Variants in CNOT8 observed in about 807,000 individuals in gnomAD.
CNOT8 encodes the protein CCR4-NOT transcription complex subunit 8.
CNOT8 carries 18 observed loss-of-function variants against 34.6 expected under a neutral mutation model. That is an observed-to-expected ratio of 0.52 (90% confidence interval 0.36 to 0.77). The LOEUF is 0.77. Ranked by LOEUF, CNOT8 falls within the 30% of genes least tolerant of loss-of-function variation. The pLI is 0.00. For synonymous variants in CNOT8, 101 were observed against 118.8 expected, an observed-to-expected ratio of 0.85 and a Z score of 0.98; for missense variants, 189 against 347.9, an observed-to-expected ratio of 0.54 and a Z score of 3.63.
At position 154,871,913 on chromosome 5, in the gene CNOT8, G is replaced by T. The variant is rs541527792; in HGVS notation, c.618+39G>T. The T allele has an allele frequency of 1.9e-6, 3 of 1,575,056 alleles. No homozygotes were observed. The South Asian group carries it at 3.4e-5, about 18-fold the overall frequency. ...TTCTTAATACCAGTAACAAAAAGAA[G>T]GACAGAAAAAAAGCTGACTTTGCTT... On this transcript the variant is annotated intron_variant, in intron 5 of 6. Transcript: ENST00000285896.
intron 3 of CNOT8, chr5:154,870,420 T>C: frequency 3.1e-6 from 1 of 324,766 alleles, no homozygotes; most frequent in Non-Finnish European, 5.7e-6. Context: ...AATGAGCAAA[T>C]GTATACCTAT....
At chr5:154,860,448 A>C (rs1161297821) in intron 1 of CNOT8, among the ~76,000 whole-genome samples, 1 of 152,058 alleles carries the variant, frequency 6.6e-6, no homozygotes, top group Non-Finnish European at 1.5e-5. Context: ...CTGGGACTGC[A>C]GGCACACACT....
intron 1 of CNOT8, chr5:154,859,775 C>CT (rs1761145227): frequency 6.6e-6 from 1 of 152,160 alleles, no homozygotes; most frequent in African/African-American, 2.4e-5. Context: ...AAATAAGAAG[C>CT]TATGTTTTGG....
chr5:154,874,454 T>C (rs1030951309), intron 6 of CNOT8, among the ~76,000 whole-genome samples: 1 of 152,004 alleles, frequency 6.6e-6, no homozygotes, highest in Non-Finnish European at 1.5e-5. Flanking sequence ...CATGCACCTG[T>C]AATCCCAGCT....
chr5:154,867,196 C>A (rs1262015678), intron 3 of CNOT8, among the ~76,000 whole-genome samples: 8 of 151,098 alleles, frequency 5.3e-5, no homozygotes, highest in African/African-American at 1.5e-4. Context: ...ATGGATATAT[C>A]TTTAGAGTGG....
rs767949996 is a variant in CNOT8 at position 154,876,300 on chromosome 5, G to T, written c.*861G>T. ...TTGTATTTTCAGTAATGTGATTTCA[G>T]ATGGTCATCTGGATTCTCCCACTTC... is the stretch of plus-strand genomic sequence containing the variant. On this transcript the variant is annotated 3_prime_UTR_variant, in exon 7 of 7. Transcript: ENST00000285896. 6.6e-6 allele frequency: 1 copy of T among 152,236 alleles called. No individual in the cohort carries two copies. Among genetic ancestry groups the T allele is most frequent in the African/African-American group, 2.4e-5 (1 of 41,476 alleles). The allele number at this position is 152,236 out of a possible 1,614,324, so 9.4% of individuals were successfully genotyped here. A position where few individuals can be genotyped will look rare whatever the true frequency, so the allele number is the denominator to read the frequency against.
At chr5:154,872,734 G>C in intron 6 of CNOT8, 83 bp downstream of exon 6, 1 of 568,958 alleles carries the variant, frequency 1.8e-6, no homozygotes, top group Non-Finnish European at 3.0e-6. Flanking sequence ...CTGTTATGTG[G>C]GCTGAGGTTT....
chr5:154,873,106 A>G (rs1286226074), intron 6 of CNOT8, among the ~76,000 whole-genome samples: 1 of 152,108 alleles, frequency 6.6e-6, no homozygotes, highest in East Asian at 1.9e-4. Context: ...GGGTTTCACT[A>G]TGCTGGCCAG....
rs1761523184 is a variant in CNOT8 at position 154,863,213 on chromosome 5, CCAAA to C, written c.-63_-60del. ...AAAATGTTTTACAATCTAGATCAGA[CCAAA>C]CATTGTCTGGCTTGCACTGTAAAAC... On this transcript the variant is annotated 5_prime_UTR_variant, in exon 2 of 7. Coordinates refer to ENST00000285896, the MANE Select transcript of CNOT8 (RefSeq NM_001301073.2). The C allele has an allele frequency of 8.3e-6, 9 of 1,090,508 alleles. No individual in the cohort carries two copies. Among genetic ancestry groups the C allele is most frequent in the Non-Finnish European group, 1.0e-5 (7 of 703,382 alleles). The allele number at this position is 1,090,508 out of a possible 1,614,324, so 67.6% of individuals were successfully genotyped here.
At chr5:154,860,353 A>G (rs987222411) in intron 1 of CNOT8, among the ~76,000 whole-genome samples, 1 of 152,116 alleles carries the variant, frequency 6.6e-6, no homozygotes, top group African/African-American at 2.4e-5. Flanking sequence ...CTGAGGCTGG[A>G]ATGCAGTGGC....
chr5:154,871,590 TTA>T (rs1762486884), intron 4 of CNOT8, 138 bp from the exon 5 acceptor site: 1 of 608,746 alleles, frequency 1.6e-6, no homozygotes. Context: ...AAGATTCAGA[TTA>T]TAGTACGATA....
rs146067869 is a variant in CNOT8, at chr5:154,862,277, C to T, written c.-72-930C>T. Among the ~76,000 whole-genome samples, 756 of 152,116 alleles carry T rather than the reference C, an allele frequency of 5.0e-3. 4 individuals carry two copies. Among genetic ancestry groups the T allele is most frequent in the Non-Finnish European group, 6.9e-3 (471 of 68,016 alleles). ...CACAAGGTCAGGGGTTCAAGACTAGCCTGACCAATATGGTGAAACCCCATC... is the reference window on the plus strand; with the variant it reads ...CACAAGGTCAGGGGTTCAAGACTAGTCTGACCAATATGGTGAAACCCCATC... On this transcript the variant is annotated intron_variant, in intron 1 of 6. Transcript: ENST00000285896.
intron 6 of CNOT8, among the ~76,000 whole-genome samples, chr5:154,873,249 G>A (rs1762647066): frequency 6.6e-6 from 1 of 152,202 alleles, no homozygotes. Context: ...CTTTGAAAGT[G>A]GTTGTTTTTT....
At position 154,875,537 on chromosome 5, in the gene CNOT8, A is replaced by G; in HGVS notation, c.*98A>G. On this transcript the variant is annotated 3_prime_UTR_variant, in exon 7 of 7. Coordinates refer to ENST00000285896, the MANE Select transcript of CNOT8 (RefSeq NM_001301073.2). ...CCAAGAGAAAATGCTTCTTTTGAGCACACTGTACCTACCATCTGCATTGAG... is the reference window on the plus strand; with the variant it reads ...CCAAGAGAAAATGCTTCTTTTGAGCGCACTGTACCTACCATCTGCATTGAG... 2 of 1,314,048 alleles carry G rather than the reference A, an allele frequency of 1.5e-6. No homozygotes were observed. The highest frequency in any genetic ancestry group is 2.8e-5 in the South Asian group (2 of 71,418). The allele number at this position is 1,314,048 out of a possible 1,614,324, so 81.4% of individuals were successfully genotyped here. A position where few individuals can be genotyped will look rare whatever the true frequency, so the allele number is the denominator to read the frequency against.
intron 6 of CNOT8, among the ~76,000 whole-genome samples, chr5:154,873,551 G>GT (rs1352071235): frequency 5.9e-5 from 9 of 152,124 alleles, no homozygotes; most frequent in Non-Finnish European, 2.9e-5. Flanking sequence ...TCTTCTTTTA[G>GT]TTTCTTTACT....
Position 154,875,186 on chromosome 5 carries a change from G to A in CNOT8, c.730-104G>A, listed in dbSNP as rs1762833122. The A allele has an allele frequency of 5.4e-6, 7 of 1,294,834 alleles. No individual in the cohort carries two copies. The South Asian group carries it at 5.4e-5, about 10-fold the overall frequency. The allele number at this position is 1,294,834 out of a possible 1,614,324, so 80.2% of individuals were successfully genotyped here. A position where few individuals can be genotyped will look rare whatever the true frequency, so the allele number is the denominator to read the frequency against. Reference sequence around the variant, plus strand: ...CCCGCCTCAGCCTCACAAAGTGCTTGGATTCCAGACGTGAGCCATTGCACC... The same window carrying A: ...CCCGCCTCAGCCTCACAAAGTGCTTAGATTCCAGACGTGAGCCATTGCACC... On this transcript the variant is annotated intron_variant, in intron 6 of 6. Coordinates refer to ENST00000285896, the MANE Select transcript of CNOT8 (RefSeq NM_001301073.2).
At chr5:154,867,654 T>C in intron 3 of CNOT8, 1 of 262,992 alleles carries the variant, frequency 3.8e-6, no homozygotes, top group South Asian at 3.1e-5. Context: ...AAAACTTAAT[T>C]TCTTTCTTTC....
intron 1 of CNOT8, among the ~76,000 whole-genome samples, chr5:154,861,541 A>G (rs1677245494): frequency 6.6e-6 from 1 of 152,206 alleles, no homozygotes; most frequent in Admixed American, 6.5e-5. Context: ...TAGGAAGCAA[A>G]GATTTTCCTT....
At chr5:154,866,746 C>G (rs1761918387) in intron 3 of CNOT8, among the ~76,000 whole-genome samples, 2 of 152,134 alleles carry the variant, frequency 1.3e-5, no homozygotes, top group Non-Finnish European at 2.9e-5. Flanking sequence ...AACCCCATCT[C>G]TACTAAAAAT....
Sources: allele counts gnomAD v4.1 joint callset (sites outside exome capture counted in the v4.1 genomes callset), GRCh38; gene constraint gnomAD v4.1.1; transcripts MANE v1.5; gene names NCBI Gene and HGNC (gene_info 2026-07-23, HGNC 2026-07-21).